The following SLC25A13 variants were observed in gnomAD, a reference collection of about 807,000 sequenced individuals.
SLC25A13 encodes electrogenic aspartate/glutamate antiporter SLC25A13, mitochondrial.
In SLC25A13, 70 loss-of-function variants were observed where a neutral mutation model predicts 85.5. The ratio of observed to expected loss-of-function variants is 0.82; its 90% CI spans 0.68 to 1.00. The LOEUF (loss-of-function observed/expected upper bound fraction) is 1.00. Ranked by LOEUF, SLC25A13 falls within the 50% of genes least tolerant of loss-of-function variation. The pLI is 0.00. For synonymous variants in SLC25A13, 259 were observed against 288.7 expected (o/e 0.90, Z 1.04); for missense variants, 765 against 819.8 (o/e 0.93, Z 0.82).
At chr7:96,194,651 TC>T (rs1343465419) in intron 5 of SLC25A13, among the ~76,000 whole-genome samples, 1 of 152,034 alleles carries the variant, frequency 6.6e-6, no homozygotes, top group African/African-American at 2.4e-5. Context: ...ATGACATGAG[TC>T]TGATACTGCT....
intron 3 of SLC25A13, among the ~76,000 whole-genome samples, chr7:96,248,130 C>T (rs1797275826): frequency 6.6e-6 from 1 of 152,132 alleles, no homozygotes; most frequent in African/African-American, 2.4e-5. Context: ...TTCTGAGATA[C>T]ATCATAATTT....
At chr7:96,216,540 T>C (rs917608203) in intron 4 of SLC25A13, among the ~76,000 whole-genome samples, 1 of 152,136 alleles carries the variant, frequency 6.6e-6, no homozygotes, top group Non-Finnish European at 1.5e-5. Context: ...AAATGTGGTA[T>C]ATATACACCA....
chr7:96,285,820 C>T (rs1251026036), intron 2 of SLC25A13, among the ~76,000 whole-genome samples: 1 of 152,164 alleles, frequency 6.6e-6, no homozygotes, highest in Non-Finnish European at 1.5e-5. Flanking sequence ...AAATGGCAGG[C>T]ACTCAATACA....
chr7:96,216,067 A>C (rs1267097911), intron 4 of SLC25A13, among the ~76,000 whole-genome samples: 1 of 152,064 alleles, frequency 6.6e-6, no homozygotes, highest in Non-Finnish European at 1.5e-5. Context: ...AGGCAGGAAG[A>C]ATTGCTTGAA....
chr7:96,283,819 T>TAA lies in SLC25A13; in HGVS notation c.70-6483_70-6482dup, dbSNP rs1224658803. On this transcript the variant is annotated intron_variant, in intron 2 of 17. Transcript: ENST00000265631. ...TATGACTTCATGGCAAATAGGTGTT[T>TAA]AAAAAAAAAAAAAAAAAAAAAAAAA... is the stretch of plus-strand genomic sequence containing the variant. 250 of 80,920 alleles carry TAA rather than the reference T, an allele frequency of 3.1e-3. 1 individual carries two copies. Among genetic ancestry groups the TAA allele is most frequent in the African/African-American group, 0.011 (229 of 20,080 alleles). The allele number at this position is 80,920 out of a possible 1,614,324, so 5.0% of individuals were successfully genotyped here.
At chr7:96,283,060 G>GA (rs1203647594) in intron 2 of SLC25A13, among the ~76,000 whole-genome samples, 2 of 152,084 alleles carry the variant, frequency 1.3e-5, no homozygotes, top group Non-Finnish European at 2.9e-5. Context: ...CTACCAAGGG[G>GA]AATCACAAGC....
At chr7:96,259,704 G>T (rs1480943722) in intron 3 of SLC25A13, among the ~76,000 whole-genome samples, 2 of 152,126 alleles carry the variant, frequency 1.3e-5, no homozygotes, top group African/African-American at 4.8e-5. Context: ...TCTCATTACT[G>T]GGTATATACC....
At chr7:96,269,167 G>A (rs1798139959) in intron 3 of SLC25A13, among the ~76,000 whole-genome samples, 1 of 152,136 alleles carries the variant, frequency 6.6e-6, no homozygotes, top group Non-Finnish European at 1.5e-5. Context: ...GCCAAGCACA[G>A]AGATGAGGTT....
chr7:96,157,745 G>A (rs1415464228), intron 13 of SLC25A13, among the ~76,000 whole-genome samples: 1 of 152,092 alleles, frequency 6.6e-6, no homozygotes, highest in Non-Finnish European at 1.5e-5. Context: ...AGGTTACAGT[G>A]AGCCAAGATT....
At chr7:96,181,220 G>T (rs759520038) in intron 11 of SLC25A13, among the ~76,000 whole-genome samples, 3 of 152,154 alleles carry the variant, frequency 2.0e-5, no homozygotes, top group Non-Finnish European at 4.4e-5. Flanking sequence ...TAGGAGAGAG[G>T]CTCCTGGAAA....
intron 3 of SLC25A13, among the ~76,000 whole-genome samples, chr7:96,240,593 C>T (rs964297087): frequency 1.3e-5 from 2 of 151,446 alleles, no homozygotes; most frequent in African/African-American, 4.9e-5. Flanking sequence ...AAATACAGTG[C>T]CGGGGTTGGG....
intron 13 of SLC25A13, among the ~76,000 whole-genome samples, chr7:96,164,740 ACACAC>A (rs1793674714): frequency 6.6e-6 from 1 of 152,026 alleles, no homozygotes; most frequent in South Asian, 2.1e-4. Context: ...ACACACACAC[ACACAC>A]AAAAGAAGCA....
intron 1 of SLC25A13, among the ~76,000 whole-genome samples, chr7:96,312,537 T>C (rs746394529): frequency 6.6e-6 from 1 of 152,236 alleles, no homozygotes; most frequent in Non-Finnish European, 1.5e-5. Flanking sequence ...CTTTATATTA[T>C]CTGGTTATAT....
chr7:96,150,276 G>T (rs1792980159), intron 13 of SLC25A13, among the ~76,000 whole-genome samples: 1 of 152,098 alleles, frequency 6.6e-6, no homozygotes, highest in South Asian at 2.1e-4. Flanking sequence ...TCCTAGAACT[G>T]CAAGGACACA....
chr7:96,142,441 C>A (rs1252851415), intron 14 of SLC25A13, among the ~76,000 whole-genome samples: 2 of 152,112 alleles, frequency 1.3e-5, no homozygotes, highest in Admixed American at 6.6e-5. Context: ...TAATTTAGTT[C>A]TTTTTTATGG....
chr7:96,227,461 T>C (rs1011323392), intron 4 of SLC25A13, among the ~76,000 whole-genome samples: 8 of 152,200 alleles, frequency 5.3e-5, no homozygotes, highest in Admixed American at 1.3e-4. Context: ...ATTGTTTTGA[T>C]AGTGAATAGG....
chr7:96,129,585 T>C (rs1270771101), intron 15 of SLC25A13, among the ~76,000 whole-genome samples: 1 of 152,240 alleles, frequency 6.6e-6, no homozygotes, highest in Non-Finnish European at 1.5e-5. Context: ...TTAGAAACTA[T>C]GTTCGGAAAG....
intron 11 of SLC25A13, among the ~76,000 whole-genome samples, chr7:96,176,235 C>T (rs552010821): frequency 6.6e-6 from 1 of 152,310 alleles, no homozygotes; most frequent in East Asian, 1.9e-4. Context: ...GCATATATAT[C>T]TGACATCTGG....
chr7:96,184,296 G>A lies in SLC25A13; in HGVS notation c.1158C>T (p.Gly386=), dbSNP rs1477201903. The A allele has an allele frequency of 6.2e-7, 1 of 1,614,152 alleles. No homozygotes were observed. The highest frequency in any genetic ancestry group is 2.2e-5 in the East Asian group (1 of 44,870). Residue 386 remains glycine (G), a synonymous_variant, in exon 11 of 18, where the codon GGC becomes GGT. Transcript: ENST00000265631. Reference sequence around the variant, plus strand: ...ACTAACCTCTATACAGTCCAAAGAAGCCTTCATAGCGTAGCACTTTCTTAA... The same window carrying A: ...ACTAACCTCTATACAGTCCAAAGAAACCTTCATAGCGTAGCACTTTCTTAA... ...DCFKKVLRYE[G]FFGLYRGLLP... is the part of the protein sequence containing the mutation.
Sources: gnomAD v4.1 joint callset for allele counts (sites outside exome capture counted in the v4.1 genomes callset) on GRCh38, gnomAD v4.1.1 for gene constraint, MANE v1.5 for transcripts, NCBI Gene and HGNC (gene_info 2026-07-23, HGNC 2026-07-21) for gene names.